The following UBP1 variants were observed in gnomAD, a reference collection of about 807,000 sequenced individuals.
UBP1 encodes upstream binding protein 1.
A neutral mutation model predicts 76.1 loss-of-function variants in UBP1; 22 were observed. The observed-to-expected ratio is 0.29, with a 90% CI of 0.21 to 0.41. UBP1 has a LOEUF of 0.41. Ranked by LOEUF, UBP1 falls within the 10% of genes least tolerant of loss-of-function variation. UBP1 has a pLI of 1.00. For synonymous variants in UBP1, 224 were observed against 237.1 expected (o/e 0.94, Z 0.51); for missense variants, 436 against 668.1 (o/e 0.65, Z 3.83).
Position 33,416,802 on chromosome 3 carries a change from G to A in UBP1, c.298C>T (p.Arg100Trp), listed in dbSNP as rs1442494070. ...QSYEIRMLDN[R>W]KMGDMPEING... Reference sequence around the variant, plus strand: ...ATCTCAGGCATATCACCCATTTTCCGATTATCCAGCATCCGAATTTCATAT... The same window carrying A: ...ATCTCAGGCATATCACCCATTTTCCAATTATCCAGCATCCGAATTTCATAT... Residue 100 changes from arginine to tryptophan, a missense_variant, in exon 3 of 16, where the codon CGG becomes TGG. This residue lies in a region of UBP1 where 161 missense variants were observed against 237.9 expected (regional missense o/e 0.68). Coordinates refer to ENST00000283629, the MANE Select transcript of UBP1 (RefSeq NM_014517.5). 6.2e-7 allele frequency: 1 copy of A among 1,613,406 alleles called. No homozygotes were observed. Among genetic ancestry groups the A allele is most frequent in the East Asian group, 2.2e-5 (1 of 44,784 alleles).
In UBP1 at chr3:33,430,656, AGTCT is replaced by A. The variant is rs560184313; in HGVS notation, c.114-4919_114-4916del. On this transcript the variant is annotated intron_variant, in intron 1 of 15. Coordinates refer to ENST00000283629, the MANE Select transcript of UBP1 (RefSeq NM_014517.5). ...ACATATAGAAGAATTCTTGCTAGAC[AGTCT>A]TGTCAGGCTCTCCAAAGGCAAACAC... 2.7e-3 allele frequency among the ~76,000 whole-genome samples: 409 copies of A among 152,352 alleles called. 1 individual carries two copies. Among genetic ancestry groups the A allele is most frequent in the African/African-American group, 9.4e-3 (392 of 41,584 alleles).
chr3:33,390,001 C>A lies in UBP1; in HGVS notation c.*330G>T, dbSNP rs921993445. ...TAAGTTTCTACATTCATTTCCAAAC[C>A]GCATACAGTGTAAAAAGACAGCAAA... On this transcript the variant is annotated 3_prime_UTR_variant, in exon 16 of 16. Transcript: ENST00000283629. The A allele has an allele frequency of 1.8e-5, 5 of 274,706 alleles. No homozygotes were observed. The highest frequency in any genetic ancestry group is 1.1e-3 in the Middle Eastern group (1 of 942). 17.0% of individuals were successfully genotyped at this position (274,706 alleles called of 1,614,324 possible).
At position 33,400,949 on chromosome 3, in the gene UBP1, G is replaced by T; in HGVS notation, c.1086+13C>A. 1 of 1,592,270 alleles carries T rather than the reference G, an allele frequency of 6.3e-7. No individual in the cohort carries two copies. Among genetic ancestry groups the T allele is most frequent in the Non-Finnish European group, 8.5e-7 (1 of 1,172,712 alleles). ...CTGAAAGCATCAGATAGTTTTAGGA[G>T]AAAGATACTTACTTCACCAGAGGTC... is the stretch of plus-strand genomic sequence containing the variant. On this transcript the variant is annotated intron_variant, in intron 10 of 15. Transcript: ENST00000283629.
In UBP1 at chr3:33,409,504, T is replaced by A. The variant is rs761396398; in HGVS notation, c.653A>T (p.Asn218Ile). Reference sequence around the variant, plus strand: ...GTGTAGATGATCTGTGTATTCTCCATTTTCATTCTGCTTAAAGGTGTCAAC... The same window carrying A: ...GTGTAGATGATCTGTGTATTCTCCAATTTCATTCTGCTTAAAGGTGTCAAC... ...IQVDTFKQNE[N>I]GEYTDHLHSA... The change falls in exon 6 of 16, where the codon AAT becomes ATT. Residue 218 changes from asparagine (N) to isoleucine (I), a missense_variant. Around this residue, in one of 3 missense-constraint regions of UBP1, gnomAD observed 65 missense variants for 157.4 expected, o/e 0.41. Coordinates refer to ENST00000283629, the MANE Select transcript of UBP1 (RefSeq NM_014517.5). The A allele has an allele frequency of 2.2e-5, 35 of 1,613,990 alleles. No homozygotes were observed. Among genetic ancestry groups the A allele is most frequent in the Non-Finnish European group, 2.9e-5 (34 of 1,179,982 alleles).
intron 1 of UBP1, among the ~76,000 whole-genome samples, chr3:33,427,162 G>A (rs1196323853): frequency 6.6e-6 from 1 of 152,050 alleles, no homozygotes; most frequent in African/African-American, 2.4e-5. Context: ...ACAGGGTTTC[G>A]CCATGTAGGC....
At chr3:33,419,179 C>T (rs190024867) in intron 2 of UBP1, among the ~76,000 whole-genome samples, 456 of 152,148 alleles carry the variant, frequency 3.0e-3, no homozygotes, top group Non-Finnish European at 3.6e-3. Flanking sequence ...CAAAGACAGC[C>T]AGGAGCTGAC....
At chr3:33,392,718 A>C in intron 14 of UBP1, 104 bp from the exon 15 acceptor site, 2 of 1,067,390 alleles carry the variant, frequency 1.9e-6, no homozygotes, top group Non-Finnish European at 2.7e-6. Flanking sequence ...CACAGGACTC[A>C]ATGGCCAAAA....
intron 2 of UBP1, among the ~76,000 whole-genome samples, chr3:33,422,835 T>C (rs977113418): frequency 9.9e-5 from 15 of 152,108 alleles, no homozygotes; most frequent in African/African-American, 3.4e-4. Flanking sequence ...TATACATTTA[T>C]AGAAAATTAA....
rs181932171 is a variant in UBP1, at chr3:33,396,726, T to C, written c.1271+319A>G. 898 of 542,590 alleles carry C rather than the reference T, an allele frequency of 1.7e-3. 2 individuals carry two copies. The highest frequency in any genetic ancestry group is 2.5e-3 in the Non-Finnish European group (708 of 284,972). The allele number at this position is 542,590 out of a possible 1,614,324, so 33.6% of individuals were successfully genotyped here. A position where few individuals can be genotyped will look rare whatever the true frequency, so the allele number is the denominator to read the frequency against. On this transcript the variant is annotated intron_variant, in intron 12 of 15. Transcript: ENST00000283629. ...GTAATAGTCATGACCTTGAAAACCA[T>C]AGATTCTGTATAGCTCACCTAAATT...
At chr3:33,420,372 C>A (rs959599057) in intron 2 of UBP1, among the ~76,000 whole-genome samples, 1 of 152,098 alleles carries the variant, frequency 6.6e-6, no homozygotes, top group Admixed American at 6.5e-5. Flanking sequence ...ATTGCCCAGG[C>A]TGGAGTACAG....
chr3:33,438,717 T>C (rs2045239880), intron 1 of UBP1, among the ~76,000 whole-genome samples: 1 of 152,146 alleles, frequency 6.6e-6, no homozygotes, highest in Admixed American at 6.5e-5. Context: ...TCAGAATTTC[T>C]CCTTAAGATT....
In UBP1 at chr3:33,429,862, A is replaced by G. The variant is rs1366411287; in HGVS notation, c.114-4121T>C. 5.3e-5 allele frequency among the ~76,000 whole-genome samples: 8 copies of G among 152,206 alleles called. No homozygotes were observed. In the East Asian group the frequency reaches 1.5e-3, roughly 29 times the overall value. ...GTGTGAGGCAGAGACTGCACTGTACACCCTCTCATAGCCTTTGAAAATAAT... is the reference window on the plus strand; with the variant it reads ...GTGTGAGGCAGAGACTGCACTGTACGCCCTCTCATAGCCTTTGAAAATAAT... On this transcript the variant is annotated intron_variant, in intron 1 of 15. Coordinates refer to ENST00000283629, the MANE Select transcript of UBP1 (RefSeq NM_014517.5).
intron 2 of UBP1, among the ~76,000 whole-genome samples, chr3:33,417,479 AT>A (rs2044759773): frequency 1.3e-5 from 2 of 152,216 alleles, no homozygotes; most frequent in African/African-American, 4.8e-5. Context: ...TTATTGCCAA[AT>A]AATATTCATT....
chr3:33,417,213 A>G (rs1417477558), intron 2 of UBP1, among the ~76,000 whole-genome samples: 1 of 152,192 alleles, frequency 6.6e-6, no homozygotes, highest in African/African-American at 2.4e-5. Flanking sequence ...AGAGTTGTGC[A>G]ACCATCACCA....
Position 33,409,429 on chromosome 3 carries a change from A to C in UBP1, c.708+20T>G. 6.2e-7 allele frequency: 1 copy of C among 1,613,798 alleles called. No homozygotes were observed. The highest frequency in any genetic ancestry group is 8.5e-7 in the Non-Finnish European group (1 of 1,179,876). The stretch of plus-strand genomic sequence containing the variant: ...CAAAACTGAGCCTTAATTACAGAAA[A>C]CCCGGGTTCTCTGTCTTACCTTAAA... On this transcript the variant is annotated intron_variant, in intron 6 of 15. Coordinates refer to ENST00000283629, the MANE Select transcript of UBP1 (RefSeq NM_014517.5).
At chr3:33,413,819 C>T (rs1272008574) in intron 3 of UBP1, among the ~76,000 whole-genome samples, 2 of 152,136 alleles carry the variant, frequency 1.3e-5, no homozygotes, top group East Asian at 3.9e-4. Flanking sequence ...TTACCCAGCA[C>T]CCACTTCACA....
At chr3:33,440,638 C>T (rs1330925359), upstream of UBP1, 1 of 152,364 alleles carries the variant, frequency 6.6e-6, no homozygotes, top group Non-Finnish European at 1.5e-5. Context: ...TCCGCCCCTT[C>T]TAGCGAGCGA....
In UBP1 at chr3:33,411,610, G is replaced by A. The variant is rs1454729339; in HGVS notation, c.526C>T (p.Pro176Ser). The A allele has an allele frequency of 6.2e-7, 1 of 1,613,926 alleles. No individual in the cohort carries two copies. The highest frequency in any genetic ancestry group is 8.5e-7 in the Non-Finnish European group (1 of 1,179,974). The change falls in exon 5 of 16, where the codon CCA becomes TCA. Residue 176 changes from proline (P) to serine (S), a missense_variant. Transcript: ENST00000283629. ...QLNAVEFLWD[P>S]AKRTSAFIQV... ...ATGAAAGCAGAGGTGCGTTTTGCTGGGTCCCACAGAAATTCAACCGCATTT... is the reference window on the plus strand; with the variant it reads ...ATGAAAGCAGAGGTGCGTTTTGCTGAGTCCCACAGAAATTCAACCGCATTT...
chr3:33,439,237 C>T (rs564044633), intron 1 of UBP1, among the ~76,000 whole-genome samples: 1 of 152,298 alleles, frequency 6.6e-6, no homozygotes, highest in Admixed American at 6.5e-5. Context: ...AGTGCTACTC[C>T]CACCGCTGCT....
Sources: allele counts gnomAD v4.1 joint callset (sites outside exome capture counted in the v4.1 genomes callset), GRCh38; gene constraint gnomAD v4.1.1; regional missense constraint gnomAD v4.1.1; transcripts MANE v1.5; gene names NCBI Gene and HGNC (gene_info 2026-07-23, HGNC 2026-07-21).